Variants in TTF1 observed in about 807,000 individuals in gnomAD.
TTF1 encodes transcription termination factor, RNA polymerase I.
Under a neutral mutation model 80.2 loss-of-function variants are expected in TTF1, and 64 were observed. The ratio of observed to expected loss-of-function variants is 0.80; its 90% CI spans 0.65 to 0.98. TTF1 has a LOEUF of 0.98. Ranked by LOEUF, TTF1 falls within the 50% of genes least tolerant of loss-of-function variation. The probability of loss-of-function intolerance (pLI) is 0.00; values close to 1 mark genes in which losing one functional copy is unlikely to be tolerated. For synonymous variants in TTF1, 372 were observed against 382.7 expected (o/e 0.97, Z 0.33); for missense variants, 1,023 against 1,086.2 (o/e 0.94, Z 0.82).
intron 1 of TTF1, among the ~76,000 whole-genome samples, chr9:132,405,868 A>G (rs1849856636): frequency 1.3e-5 from 2 of 152,162 alleles, no homozygotes; most frequent in South Asian, 4.1e-4. Flanking sequence ...CCATTCCATC[A>G]GGAAAGCTCT....
intron 1 of TTF1, among the ~76,000 whole-genome samples, chr9:132,403,188 G>A (rs12685871): frequency 0.058 from 8,874 of 152,128 alleles, 355 homozygotes; most frequent in East Asian, 0.24. Flanking sequence ...TAGCCTCAGC[G>A]GAAAAAATCA....
At position 132,388,193 on chromosome 9, in the gene TTF1, C is replaced by T. The variant is rs776596095; in HGVS notation, c.2258G>A (p.Arg753Gln). 22 of 1,611,266 alleles carry T rather than the reference C, an allele frequency of 1.4e-5. No homozygotes were observed. In the Admixed American group the frequency reaches 1.8e-4, roughly 13 times the overall value. The change falls in exon 8 of 11, where the codon CGG becomes CAG. Residue 753 changes from arginine (R) to glutamine (Q), a missense_variant. Transcript: ENST00000334270. Reference protein sequence around the residue: ...EILTKRMTNGRRIYYGMNALR... With the variant: ...EILTKRMTNGQRIYYGMNALR... The stretch of plus-strand genomic sequence containing the variant: ...GGCATTCATGCCATAGTAGATACGC[C>T]GACCATTAGTCATCCTCTTGGTTAG...
intron 1 of TTF1, among the ~76,000 whole-genome samples, chr9:132,405,396 C>T (rs1214084164): frequency 1.3e-4 from 20 of 152,052 alleles, no homozygotes; most frequent in African/African-American, 3.6e-4. Flanking sequence ...TTAGTAGAGA[C>T]GGGGTTTCGC....
At chr9:132,404,241 T>A (rs1270772657) in intron 1 of TTF1, among the ~76,000 whole-genome samples, 1 of 152,244 alleles carries the variant, frequency 6.6e-6, no homozygotes. Flanking sequence ...GAGCTCTCTC[T>A]ATATCAGCGG....
rs1020921272 is a variant in TTF1, at chr9:132,375,611, T to A, written c.*304A>T. 2 of 217,604 alleles carry A rather than the reference T, an allele frequency of 9.2e-6. No individual in the cohort carries two copies. The highest frequency in any genetic ancestry group is 4.5e-5 in the African/African-American group (2 of 44,150). The allele number at this position is 217,604 out of a possible 1,614,324, so 13.5% of individuals were successfully genotyped here. On this transcript the variant is annotated 3_prime_UTR_variant, in exon 11 of 11. Coordinates refer to ENST00000334270, the MANE Select transcript of TTF1 (RefSeq NM_007344.4). The stretch of plus-strand genomic sequence containing the variant: ...TATTTTAATGCTCCAGAGGAAAGAG[T>A]AGAACTCTGGCCATTGTACATTCTT...
At chr9:132,399,217 A>G (rs1312340110) in intron 3 of TTF1, among the ~76,000 whole-genome samples, 4 of 8,604 alleles carry the variant, frequency 4.6e-4, no homozygotes, top group Admixed American at 3.5e-3. Context: ...AAAAAAAAGA[A>G]AAAAAAAAAA....
At position 132,402,180 on chromosome 9, in the gene TTF1, A is replaced by C. The variant is rs1451988855; in HGVS notation, c.642T>G (p.Ala214=). 6.2e-7 allele frequency: 1 copy of C among 1,613,800 alleles called. No homozygotes were observed. The highest frequency in any genetic ancestry group is 1.3e-5 in the African/African-American group (1 of 74,822). The change falls in exon 2 of 11, where the codon GCT becomes GCG. Residue 214 remains alanine, a synonymous_variant. Transcript: ENST00000334270. The part of the protein sequence containing the change: ...GGEITELPAS[A]HKNKSKKKKK... Reference sequence around the variant, plus strand: ...TTTTTTTCTTAGACTTGTTTTTATGAGCAGATGCTGGTAGTTCTGTAATTT... The same window carrying C: ...TTTTTTTCTTAGACTTGTTTTTATGCGCAGATGCTGGTAGTTCTGTAATTT...
rs898973623 is a variant in TTF1, at chr9:132,384,491, G to C, written c.2378+2065C>G. Among the ~76,000 whole-genome samples, 1 of 152,164 alleles carries C rather than the reference G, an allele frequency of 6.6e-6. No homozygotes were observed. Among genetic ancestry groups the C allele is most frequent in the Non-Finnish European group, 1.5e-5 (1 of 68,050 alleles). ...CTCCTATTCAAGCAGTAACAAAAGA[G>C]AGTAGGTATAAATAGCCAACATTAG... On this transcript the variant is annotated intron_variant, in intron 9 of 10. Transcript: ENST00000334270. The surrounding 1 kb of genome is among the most constrained non-coding windows in gnomAD (Gnocchi z 4.1).
chr9:132,402,721 T>C lies in TTF1; in HGVS notation c.101A>G (p.His34Arg), dbSNP rs1187627813. The change falls in exon 2 of 11, where the codon CAC becomes CGC. Residue 34 changes from histidine (H) to arginine (R), a missense_variant. Coordinates refer to ENST00000334270, the MANE Select transcript of TTF1 (RefSeq NM_007344.4). ...CAGGGAGGAGTCTCTGAAAATTTCG[T>C]GGGAATGTTTCTGAGGTCTTTCCTT... ...IHKERPQKHSHEIFRDSSLVN... is the reference protein window; with the variant it reads ...IHKERPQKHSREIFRDSSLVN... 6.2e-7 allele frequency: 1 copy of C among 1,614,128 alleles called. No individual in the cohort carries two copies. Among genetic ancestry groups the C allele is most frequent in the African/African-American group, 1.3e-5 (1 of 75,070 alleles).
chr9:132,390,922 AG>A, intron 6 of TTF1, 91 bp from the exon 7 acceptor site: 1 of 1,218,562 alleles, frequency 8.2e-7, no homozygotes, highest in East Asian at 2.3e-5. Context: ...GGTACTTTTC[AG>A]AAAATAATGT....
Position 132,375,696 on chromosome 9 carries a change from T to G in TTF1, c.*219A>C. 3 of 458,294 alleles carry G rather than the reference T, an allele frequency of 6.5e-6. No individual in the cohort carries two copies. The highest frequency in any genetic ancestry group is 1.2e-5 in the Non-Finnish European group (3 of 254,276). The allele number at this position is 458,294 out of a possible 1,614,324, so 28.4% of individuals were successfully genotyped here. A position where few individuals can be genotyped will look rare whatever the true frequency, so the allele number is the denominator to read the frequency against. On this transcript the variant is annotated 3_prime_UTR_variant, in exon 11 of 11. Transcript: ENST00000334270. ...CATATGTATATAAATATAATCAAAC[T>G]GAGAAAAAGGGACAAGAAATAGTAA...
intron 1 of TTF1, among the ~76,000 whole-genome samples, chr9:132,405,190 CTTTTCTTTTCTTT>C (rs1478073863): frequency 6.6e-6 from 1 of 150,984 alleles, no homozygotes; most frequent in Non-Finnish European, 1.5e-5. Flanking sequence ...TGGCTGATTT[CTTTTCTTTTCTTT>C]TTTTCTTTTT....
intron 3 of TTF1, among the ~76,000 whole-genome samples, chr9:132,399,626 TACC>T (rs1481286882): frequency 6.6e-6 from 1 of 152,234 alleles, no homozygotes; most frequent in African/African-American, 2.4e-5. Flanking sequence ...TGATCAAGTC[TACC>T]ACAACTGGCT....
chr9:132,386,728 C>T, intron 8 of TTF1, 107 bp from the exon 9 acceptor site: 1 of 848,836 alleles, frequency 1.2e-6, no homozygotes, highest in Non-Finnish European at 1.9e-6. Flanking sequence ...GCTTTCGCCG[C>T]ATTCCAGCTC....
rs141727819 is a variant in TTF1 at position 132,397,847 on chromosome 9, G to A, written c.1777+294C>T. Among the ~76,000 whole-genome samples, 891 of 152,230 alleles carry A rather than the reference G, an allele frequency of 5.9e-3. 12 individuals carry two copies. The highest frequency in any genetic ancestry group is 0.02 in the African/African-American group (848 of 41,544). On this transcript the variant is annotated intron_variant, in intron 4 of 10. Transcript: ENST00000334270. Reference sequence around the variant, plus strand: ...TAAAAATACAAAAAATTAGCTGGGCGTGGTGGTGGGCACCTGTAGTCCCAG... The same window carrying A: ...TAAAAATACAAAAAATTAGCTGGGCATGGTGGTGGGCACCTGTAGTCCCAG...
intron 10 of TTF1, among the ~76,000 whole-genome samples, chr9:132,377,441 A>G (rs1386666897): frequency 6.6e-5 from 4 of 60,600 alleles, no homozygotes; most frequent in East Asian, 7.4e-4. Context: ...GTGTGAGTGC[A>G]TGCATGTGGT....
At chr9:132,403,605 A>G (rs553752425) in intron 1 of TTF1, among the ~76,000 whole-genome samples, 5 of 152,266 alleles carry the variant, frequency 3.3e-5, no homozygotes, top group African/African-American at 1.2e-4. Context: ...ATTCCCAAGT[A>G]ATATACTTTC....
chr9:132,382,316 C>T (rs11243755), intron 9 of TTF1, among the ~76,000 whole-genome samples: 29,696 of 152,166 alleles, frequency 0.2, 3,023 homozygotes, highest in East Asian at 0.33. Context: ...TTTATATAGT[C>T]TTAAAATGTC....
chr9:132,397,701 T>G (rs1849676477), intron 4 of TTF1, among the ~76,000 whole-genome samples: 1 of 152,118 alleles, frequency 6.6e-6, no homozygotes, highest in Non-Finnish European at 1.5e-5. Flanking sequence ...AAGAATACCA[T>G]CAGGGCTGGG....
Sources: gnomAD v4.1 joint callset for allele counts (sites outside exome capture counted in the v4.1 genomes callset) on GRCh38, gnomAD v4.1.1 for gene constraint, Gnocchi (gnomAD v3.1) non-coding constraint, MANE v1.5 for transcripts, NCBI Gene and HGNC (gene_info 2026-07-23, HGNC 2026-07-21) for gene names.